DPP6: variants seen among roughly 807,000 people sequenced by gnomAD.
DPP6 encodes dipeptidyl peptidase like 6.
A neutral mutation model predicts 122.6 loss-of-function variants in DPP6; 69 were observed. The observed-to-expected ratio is 0.56, with a 90% confidence interval of 0.46 to 0.69. The LOEUF (loss-of-function observed/expected upper bound fraction) is 0.69, where lower values mean the gene tolerates loss of function less well. Ranked by LOEUF, DPP6 falls within the 30% of genes least tolerant of loss-of-function variation. The probability of loss-of-function intolerance (pLI) is 0.00; values close to 1 mark genes in which losing one functional copy is unlikely to be tolerated. For missense variants in DPP6, 928 were observed against 1,116.9 expected, an observed-to-expected ratio of 0.83 and a Z score of 2.41; for synonymous variants, 418 against 433.1, an observed-to-expected ratio of 0.97 and a Z score of 0.43.
chr7:154,867,775 C>G (rs1804011669), intron 17 of DPP6, among the ~76,000 whole-genome samples: 1 of 152,150 alleles, frequency 6.6e-6, no homozygotes, highest in Admixed American at 6.5e-5. Flanking sequence ...TGGGGAGAAT[C>G]TTTAATCCAC....
chr7:154,323,641 A>G (rs1808172094), intron 1 of DPP6, among the ~76,000 whole-genome samples: 1 of 152,174 alleles, frequency 6.6e-6, no homozygotes, highest in Admixed American at 6.5e-5. Context: ...GAACTCCAGG[A>G]ATAATATTAC....
At chr7:154,260,637 C>A (rs984212037) in intron 1 of DPP6, among the ~76,000 whole-genome samples, 2 of 149,048 alleles carry the variant, frequency 1.3e-5, no homozygotes, top group Admixed American at 6.7e-5. Context: ...TAATTCATTC[C>A]TTTTTTATGG....
At chr7:153,970,624 T>C (rs2129033003) in intron 1 of DPP6, among the ~76,000 whole-genome samples, 1 of 152,320 alleles carries the variant, frequency 6.6e-6, no homozygotes, top group Non-Finnish European at 1.5e-5. Flanking sequence ...GTAGTTTTAA[T>C]TTGCACATTT....
At chr7:154,320,274 C>T (rs1001175303) in intron 1 of DPP6, among the ~76,000 whole-genome samples, 6 of 152,100 alleles carry the variant, frequency 3.9e-5, no homozygotes, top group Non-Finnish European at 7.4e-5. Context: ...CAGGCCGGCC[C>T]TGTGTCCAGT....
rs1241557160 is a variant in DPP6, at chr7:154,618,773, G to T, written c.628-19048G>T. On this transcript the variant is annotated intron_variant, in intron 5 of 25. Transcript: ENST00000377770. The surrounding 1 kb of genome is among the most constrained non-coding windows in gnomAD (Gnocchi z 4.1). ...AACTTCACTTACTCATGTAATCTCAGCACTATTATCATCTGCATGTCACAG... is the reference window on the plus strand; with the variant it reads ...AACTTCACTTACTCATGTAATCTCATCACTATTATCATCTGCATGTCACAG... Among the ~76,000 whole-genome samples the T allele has an allele frequency of 6.6e-6, 1 of 152,128 alleles. No homozygotes were observed. Among genetic ancestry groups the T allele is most frequent in the East Asian group, 1.9e-4 (1 of 5,192 alleles).
chr7:154,881,183 G>T, intron 21 of DPP6: 2 of 592,002 alleles, frequency 3.4e-6, no homozygotes, highest in Non-Finnish European at 5.3e-6. Flanking sequence ...CCAAGTCCCC[G>T]CAGGAGAGCT....
At chr7:154,096,690 A>G (rs1405504071) in intron 1 of DPP6, among the ~76,000 whole-genome samples, 1 of 152,218 alleles carries the variant, frequency 6.6e-6, no homozygotes, top group South Asian at 2.1e-4. Context: ...ATCTAAAACT[A>G]CATATAGAGA....
At chr7:153,846,681 T>C in the DPP6 span, among the ~76,000 whole-genome samples, 1 of 141,328 alleles carries the variant, frequency 7.1e-6, no homozygotes, top group East Asian at 2.1e-4. Flanking sequence ...TCAAGGTGGC[T>C]TGGTTCTTTT....
chr7:154,480,414 G>GC (rs1823160181), intron 3 of DPP6, among the ~76,000 whole-genome samples: 1 of 152,168 alleles, frequency 6.6e-6, no homozygotes, highest in Admixed American at 6.5e-5. Context: ...GTTGCTAAAT[G>GC]CAACAGGCAT....
At chr7:154,315,743 T>C (rs1807378258) in intron 1 of DPP6, among the ~76,000 whole-genome samples, 2 of 152,058 alleles carry the variant, frequency 1.3e-5, no homozygotes, top group African/African-American at 4.8e-5. Context: ...CCATGTCAGG[T>C]GATTAAAGGC....
chr7:154,683,046 C>A (rs1839381267), intron 7 of DPP6, among the ~76,000 whole-genome samples: 2 of 152,110 alleles, frequency 1.3e-5, no homozygotes, highest in South Asian at 4.1e-4. Context: ...AAAAAGTTAG[C>A]AAATTAGTGA....
intron 5 of DPP6, among the ~76,000 whole-genome samples, chr7:154,623,365 C>T (rs886624727): frequency 6.6e-6 from 1 of 152,154 alleles, no homozygotes; most frequent in African/African-American, 2.4e-5. Flanking sequence ...GTCAGTGGTG[C>T]GCTTTTAATT....
At chr7:154,708,953 C>A (rs1470787632) in intron 7 of DPP6, among the ~76,000 whole-genome samples, 1 of 151,900 alleles carries the variant, frequency 6.6e-6, no homozygotes, top group Non-Finnish European at 1.5e-5. Flanking sequence ...GAGGCTGAGG[C>A]AAGAGAATTG....
rs1378410357 is a variant in DPP6, at chr7:154,663,008, C to T, written c.681-6352C>T. Reference sequence around the variant, plus strand: ...CATGGTGTGTTGGCCCTAGTGTTCACGCAGTCATGGTGAATCACCATGGCG... The same window carrying T: ...CATGGTGTGTTGGCCCTAGTGTTCATGCAGTCATGGTGAATCACCATGGCG... On this transcript the variant is annotated intron_variant, in intron 6 of 25. Coordinates refer to ENST00000377770, the MANE Select transcript of DPP6 (RefSeq NM_130797.4). 1.6e-4 allele frequency among the ~76,000 whole-genome samples: 7 copies of T among 42,958 alleles called. 2 individuals are homozygous for T. Among genetic ancestry groups the T allele is most frequent in the Non-Finnish European group, 3.3e-4 (6 of 17,958 alleles). 28.2% of individuals were successfully genotyped at this position (42,958 alleles called of 152,430 possible). A position where few individuals can be genotyped will look rare whatever the true frequency, so the allele number is the denominator to read the frequency against.
At chr7:154,053,357 G>A (rs1046049090) in intron 1 of DPP6, among the ~76,000 whole-genome samples, 11 of 152,272 alleles carry the variant, frequency 7.2e-5, no homozygotes, top group African/African-American at 2.4e-4. Flanking sequence ...CCCTGGGTGC[G>A]CGGATGTCTG....
chr7:153,819,085 T>C, the DPP6 span, among the ~76,000 whole-genome samples: 3 of 142,168 alleles, frequency 2.1e-5, no homozygotes, highest in Non-Finnish European at 4.6e-5. Flanking sequence ...TTCTTTTTTT[T>C]TTTTTTTTAA....
chr7:154,543,333 T>C (rs1035628787), intron 4 of DPP6, among the ~76,000 whole-genome samples: 2 of 152,218 alleles, frequency 1.3e-5, no homozygotes, highest in Non-Finnish European at 2.9e-5. Flanking sequence ...AACCTCATTC[T>C]CTTTCCCGAG....
chr7:154,460,554 T>C (rs942149374), intron 2 of DPP6, among the ~76,000 whole-genome samples: 1 of 152,242 alleles, frequency 6.6e-6, no homozygotes, highest in African/African-American at 2.4e-5. Context: ...CTTAAAAGAC[T>C]TTCTTCTCAA....
chr7:154,615,577 C>T (rs1243794206), intron 5 of DPP6, among the ~76,000 whole-genome samples: 2 of 152,178 alleles, frequency 1.3e-5, no homozygotes, highest in Non-Finnish European at 2.9e-5. Flanking sequence ...ACATTCACAA[C>T]GTTGTATAAC....
Sources: allele counts gnomAD v4.1 joint callset (sites outside exome capture counted in the v4.1 genomes callset), GRCh38; gene constraint gnomAD v4.1.1; non-coding constraint Gnocchi (gnomAD v3.1); transcripts MANE v1.5; gene names NCBI Gene and HGNC (gene_info 2026-07-23, HGNC 2026-07-21).